The following ATRN variants were observed in gnomAD, a reference collection of about 807,000 sequenced individuals.
ATRN encodes attractin, also known as attractin-2.
ATRN carries 54 observed loss-of-function variants against 178.7 expected under a neutral mutation model. The ratio of observed to expected loss-of-function variants is 0.30; its 90% CI spans 0.24 to 0.38. The LOEUF (loss-of-function observed/expected upper bound fraction) is 0.38, where lower values mean the gene tolerates loss of function less well. Among genes scored for constraint, ATRN ranks in the 10% least tolerant of loss-of-function variants. ATRN has a pLI of 1.00. For synonymous variants in ATRN, 636 were observed against 663.0 expected, an observed-to-expected ratio of 0.96 and a Z score of 0.63; for missense variants, 1,443 against 1,815.1, an observed-to-expected ratio of 0.79 and a Z score of 3.73.
intron 6 of ATRN, among the ~76,000 whole-genome samples, chr20:3,550,948 G>T (rs1568724080): frequency 6.6e-6 from 1 of 152,152 alleles, no homozygotes; most frequent in Non-Finnish European, 1.5e-5. Context: ...ATCAATAACT[G>T]CAGCCCCTCC....
chr20:3,609,041 G>A (rs562751912), intron 24 of ATRN, among the ~76,000 whole-genome samples: 89 of 151,784 alleles, frequency 5.9e-4, no homozygotes, highest in African/African-American at 2.0e-3. Context: ...ACAAATTTTA[G>A]GATTGTTTTT....
At chr20:3,541,076 A>AT (rs1331876349) in intron 3 of ATRN, among the ~76,000 whole-genome samples, 1,971 of 119,002 alleles carry the variant, frequency 0.017, 43 homozygotes, top group South Asian at 0.043. Flanking sequence ...ATGATAGAGG[A>AT]TTTTTTTTTT....
Position 3,545,841 on chromosome 20 carries a change from T to C in ATRN, c.688T>C (p.Phe230Leu). The part of the protein sequence containing the change: ...VATSGYALLH[F>L]FSDAAYNLTG... ...CACATCAGGTTATGCCTTGCTGCAT[T>C]TTTTTAGTGATGCTGCTTATAATTT... Residue 230 changes from phenylalanine (F) to leucine (L), a missense_variant, in exon 4 of 29, where the codon TTT becomes CTT. Around this residue, in one of 4 missense-constraint regions of ATRN, gnomAD observed 862 missense variants for 972.1 expected, o/e 0.89. Coordinates refer to ENST00000262919, the MANE Select transcript of ATRN (RefSeq NM_139321.3). 6.2e-7 allele frequency: 1 copy of C among 1,614,050 alleles called. No homozygotes were observed. Among genetic ancestry groups the C allele is most frequent in the East Asian group, 2.2e-5 (1 of 44,876 alleles).
chr20:3,528,525 G>A (rs1419338010), intron 1 of ATRN, among the ~76,000 whole-genome samples: 5 of 152,114 alleles, frequency 3.3e-5, no homozygotes, highest in Non-Finnish European at 5.9e-5. Context: ...TCACTTACAA[G>A]TAGGAACTAA....
At chr20:3,608,657 G>A (rs1387587124) in intron 24 of ATRN, among the ~76,000 whole-genome samples, 1 of 152,144 alleles carries the variant, frequency 6.6e-6, no homozygotes, top group African/African-American at 2.4e-5. Flanking sequence ...CTCCAGTTTT[G>A]TTCTTTTTGC....
chr20:3,509,291 G>A (rs1296001514), intron 1 of ATRN, among the ~76,000 whole-genome samples: 1 of 152,058 alleles, frequency 6.6e-6, no homozygotes, highest in African/African-American at 2.4e-5. Context: ...AGAGAAAAAG[G>A]TATATCACAC....
In ATRN at chr20:3,578,589, C is replaced by T; in HGVS notation, c.2361C>T (p.Ile787=). The change falls in exon 15 of 29, where the codon ATC becomes ATT. Residue 787 remains isoleucine, a synonymous_variant. Coordinates refer to ENST00000262919, the MANE Select transcript of ATRN (RefSeq NM_139321.3). ...TTTTCCCCTTAATGAAAGAAAATAT[C>T]TGTGGCATTGGCTGGCATTTGGTTG... The part of the protein sequence containing the change: ...NQECIALPEN[I]CGIGWHLVGN... 1 of 1,603,608 alleles carries T rather than the reference C, an allele frequency of 6.2e-7. No individual in the cohort carries two copies. Among genetic ancestry groups the T allele is most frequent in the Non-Finnish European group, 8.5e-7 (1 of 1,173,828 alleles).
intron 1 of ATRN, among the ~76,000 whole-genome samples, chr20:3,474,061 G>C (rs975568166): frequency 6.6e-6 from 1 of 152,140 alleles, no homozygotes; most frequent in African/African-American, 2.4e-5. Flanking sequence ...GGTGCTCTCA[G>C]AGTACACACC....
At chr20:3,494,281 G>A (rs2146095012) in intron 1 of ATRN, among the ~76,000 whole-genome samples, 1 of 152,348 alleles carries the variant, frequency 6.6e-6, no homozygotes, top group South Asian at 2.1e-4. Context: ...TCAGTCTGGG[G>A]AGCAGTGGCT....
Position 3,588,976 on chromosome 20 carries a change from C to CTTTTTTTTTTTTTTT in ATRN, c.3185-2189_3185-2188insTTTTTTTTTTTTTTT, listed in dbSNP as rs1375444238. On this transcript the variant is annotated intron_variant, in intron 18 of 28. Coordinates refer to ENST00000262919, the MANE Select transcript of ATRN (RefSeq NM_139321.3). ...GTTAACATACAGTTCGTAGTATTTT[C>CTTTTTTTTTTTTTTT]TTTTGTTTTTTTTTTTTTTTTTTTG... Among the ~76,000 whole-genome samples the CTTTTTTTTTTTTTTT allele has an allele frequency of 5.2e-5, 3 of 57,650 alleles. 1 individual carries two copies. The highest frequency in any genetic ancestry group is 1.7e-4 in the African/African-American group (3 of 17,832). The allele number at this position is 57,650 out of a possible 152,430, so 37.8% of individuals were successfully genotyped here.
chr20:3,637,945 C>T (rs577258187), intron 26 of ATRN, among the ~76,000 whole-genome samples: 1 of 152,052 alleles, frequency 6.6e-6, no homozygotes, highest in Admixed American at 6.6e-5. Context: ...TCCTATCTGC[C>T]GTATAATGAG....
chr20:3,577,410 AAGGAG>A (rs1357132246), intron 14 of ATRN, among the ~76,000 whole-genome samples: 1 of 152,048 alleles, frequency 6.6e-6, no homozygotes, highest in Non-Finnish European at 1.5e-5. Flanking sequence ...CTTCTCTGAG[AAGGAG>A]AGGATAGATA....
At chr20:3,538,877 T>C (rs774761820) in intron 2 of ATRN, among the ~76,000 whole-genome samples, 1 of 152,222 alleles carries the variant, frequency 6.6e-6, no homozygotes, top group African/African-American at 2.4e-5. Context: ...ATGCTGATTT[T>C]CTTCATGTTG....
chr20:3,471,506 G>C lies in ATRN; in HGVS notation c.399G>C (p.Gly133=), dbSNP rs564825443. 8.5e-6 allele frequency: 12 copies of C among 1,404,730 alleles called. No homozygotes were observed. Among genetic ancestry groups the C allele is most frequent in the East Asian group, 5.8e-5 (2 of 34,708 alleles). The allele number at this position is 1,404,730 out of a possible 1,614,324, so 87.0% of individuals were successfully genotyped here. A position where few individuals can be genotyped will look rare whatever the true frequency, so the allele number is the denominator to read the frequency against. The part of the protein sequence containing the change: ...GWVGEQCQHC[G]GRFRLTGSSG... ...TGGGCGAGCAATGCCAGCACTGCGG[G>C]GGCCGCTTCAGGTGAGTGGCGGGTG... The change falls in exon 1 of 29, where the codon GGG becomes GGC. Residue 133 remains glycine, a synonymous_variant. Coordinates refer to ENST00000262919, the MANE Select transcript of ATRN (RefSeq NM_139321.3).
At position 3,584,632 on chromosome 20, in the gene ATRN, T is replaced by C; in HGVS notation, c.2951-15T>C. ...CTACCTGTGATAGTCAATTGCAACT[T>C]TTTTTTTTTAATAGCTGAAAATTGT... is the stretch of plus-strand genomic sequence containing the variant. On this transcript the variant is annotated splice_polypyrimidine_tract_variant and intron_variant, in intron 17 of 28. Coordinates refer to ENST00000262919, the MANE Select transcript of ATRN (RefSeq NM_139321.3). The C allele has an allele frequency of 6.3e-7, 1 of 1,578,586 alleles. No individual in the cohort carries two copies. The highest frequency in any genetic ancestry group is 8.6e-7 in the Non-Finnish European group (1 of 1,158,144).
At chr20:3,605,614 A>G (rs547241037) in intron 24 of ATRN, among the ~76,000 whole-genome samples, 2 of 152,344 alleles carry the variant, frequency 1.3e-5, no homozygotes, top group Admixed American at 1.3e-4. Flanking sequence ...AGGGACATGG[A>G]TGGAGCTGGA....
intron 1 of ATRN, among the ~76,000 whole-genome samples, chr20:3,530,710 CT>C (rs1372207842): frequency 6.6e-6 from 1 of 151,966 alleles, no homozygotes. Flanking sequence ...TGGAATAGAT[CT>C]TTTTTTAATG....
chr20:3,575,112 C>G (rs1253427132), intron 12 of ATRN, among the ~76,000 whole-genome samples: 3 of 152,112 alleles, frequency 2.0e-5, no homozygotes, highest in African/African-American at 7.2e-5. Context: ...TACAGGAACG[C>G]GCCACTATGC....
At chr20:3,525,455 G>A (rs1057082142) in intron 1 of ATRN, among the ~76,000 whole-genome samples, 29 of 152,122 alleles carry the variant, frequency 1.9e-4, no homozygotes, top group African/African-American at 6.3e-4. Context: ...ATTCACAGCC[G>A]AATTCTACCA....
Sources: gnomAD v4.1 joint callset for allele counts (sites outside exome capture counted in the v4.1 genomes callset) on GRCh38, gnomAD v4.1.1 for gene constraint, gnomAD v4.1.1 regional missense constraint, MANE v1.5 for transcripts, NCBI Gene and HGNC (gene_info 2026-07-23, HGNC 2026-07-21) for gene names.